The following ESAM variants were observed in gnomAD, a reference collection of about 807,000 sequenced individuals.
ESAM encodes endothelial cell adhesion molecule, also known as endothelial cell-selective adhesion molecule.
Under a neutral mutation model 31.8 loss-of-function variants are expected in ESAM, and 23 were observed. That is an observed-to-expected ratio of 0.72 (90% CI 0.52 to 1.03). The LOEUF (loss-of-function observed/expected upper bound fraction) is 1.03. Ranked by LOEUF, ESAM falls within the 50% of genes least tolerant of loss-of-function variation. ESAM has a pLI of 0.00. For missense variants in ESAM, 478 were observed against 488.9 expected (o/e 0.98, Z 0.21); for synonymous variants, 216 against 207.2 (o/e 1.04, Z -0.37).
rs1944132157 is a variant in ESAM, at chr11:124,754,538, G to A, written c.730+103C>T. On this transcript the variant is annotated intron_variant, in intron 5 of 6. Coordinates refer to ENST00000278927, the MANE Select transcript of ESAM (RefSeq NM_138961.3). The surrounding 1 kb of genome is among the most constrained non-coding windows in gnomAD (Gnocchi z 4.5). Reference sequence around the variant, plus strand: ...AACATTTGATCAGGGGAAGCTCCGTGCCCTGCTACAGAGACAGGCCTCAGC... The same window carrying A: ...AACATTTGATCAGGGGAAGCTCCGTACCCTGCTACAGAGACAGGCCTCAGC... 15 of 1,524,938 alleles carry A rather than the reference G, an allele frequency of 9.8e-6. No homozygotes were observed. The highest frequency in any genetic ancestry group is 2.6e-5 in the South Asian group (2 of 77,304). The allele number at this position is 1,524,938 out of a possible 1,614,324, so 94.5% of individuals were successfully genotyped here.
At chr11:124,758,241 C>T in intron 2 of ESAM, 108 bp downstream of exon 2, 1 of 1,325,380 alleles carries the variant, frequency 7.5e-7, no homozygotes, top group Non-Finnish European at 1.1e-6. Flanking sequence ...CCTGAAACTC[C>T]TTCCCCGGCC....
intron 3 of ESAM, 87 bp from the exon 4 acceptor site, chr11:124,756,449 G>A: frequency 6.3e-7 from 1 of 1,583,124 alleles, no homozygotes; most frequent in Non-Finnish European, 8.6e-7. Flanking sequence ...CGCTTCATTT[G>A]TTCCTCCTCC....
Position 124,753,832 on chromosome 11 carries a change from A to G in ESAM, c.987T>C (p.Gly329=), listed in dbSNP as rs781697354. ...LRPPHGPPRP[G]ALTPTPSLSS... ...AGAGACTGGGCGTGGGGGTCAATGC[A>G]CCAGGCCTGGGAGGGCCATGGGGTG... Residue 329 remains glycine, a synonymous_variant, in exon 7 of 7, where the codon GGT becomes GGC. Transcript: ENST00000278927. 1.2e-5 allele frequency: 19 copies of G among 1,613,490 alleles called. No homozygotes were observed. The highest frequency in any genetic ancestry group is 1.6e-5 in the Non-Finnish European group (19 of 1,179,692).
Position 124,756,537 on chromosome 11 carries a change from T to C in ESAM, c.451+4A>G. 6.2e-7 allele frequency: 1 copy of C among 1,613,736 alleles called. No individual in the cohort carries two copies. The highest frequency in any genetic ancestry group is 1.7e-5 in the Admixed American group (1 of 60,022). On this transcript the variant is annotated splice_donor_region_variant and intron_variant, in intron 3 of 6. Transcript: ENST00000278927. The stretch of plus-strand genomic sequence containing the variant: ...AGGGGTCCGGAAATCTGCTTCTCAC[T>C]CACCCAGTACATTGAGTTCTAAGGT...
Position 124,762,229 on chromosome 11 carries a change from G to T in ESAM, c.-75C>A. The T allele has an allele frequency of 8.3e-7, 1 of 1,206,356 alleles. No individual in the cohort carries two copies. The highest frequency in any genetic ancestry group is 1.1e-6 in the Non-Finnish European group (1 of 881,656). 74.7% of individuals were successfully genotyped at this position (1,206,356 alleles called of 1,614,324 possible). On this transcript the variant is annotated 5_prime_UTR_variant, in exon 1 of 7. Transcript: ENST00000278927. This position sits in a 1 kb window ranked among gnomAD's most constrained non-coding sequence, Gnocchi z 6.4. The stretch of plus-strand genomic sequence containing the variant: ...GGACCTGCAGGTGCCGAGGCTGCGC[G>T]ACGGCCGGAGCGTGCGCGGGAGCCG...
rs112737968 is a variant in ESAM at position 124,759,954 on chromosome 11, C to T, written c.71-1427G>A. ...CCTGCAGGTGCTGCCGGCTCTCCCC[C>T]AGCCTTTCTACGACACACACCCGGC... On this transcript the variant is annotated intron_variant, in intron 1 of 6. Transcript: ENST00000278927. This position sits in a 1 kb window ranked among gnomAD's most constrained non-coding sequence, Gnocchi z 6.8. 5.2e-3 allele frequency among the ~76,000 whole-genome samples: 791 copies of T among 152,340 alleles called. 6 individuals carry two copies. The highest frequency in any genetic ancestry group is 8.2e-3 in the Non-Finnish European group (558 of 68,024).
At position 124,754,586 on chromosome 11, in the gene ESAM, CA is replaced by C; in HGVS notation, c.730+54del. ...AGCAGACAGGCCTCCTCCCCACTTG[CA>C]ACCCCTCCCCCACCATTGACCACTC... On this transcript the variant is annotated intron_variant, in intron 5 of 6. Coordinates refer to ENST00000278927, the MANE Select transcript of ESAM (RefSeq NM_138961.3). The surrounding 1 kb of genome is among the most constrained non-coding windows in gnomAD (Gnocchi z 4.5). 2.5e-6 allele frequency: 4 copies of C among 1,574,354 alleles called. No individual in the cohort carries two copies. The highest frequency in any genetic ancestry group is 3.5e-6 in the Non-Finnish European group (4 of 1,158,178).
In ESAM at chr11:124,753,459, T is replaced by A. The variant is rs1565440866; in HGVS notation, c.*187A>T. 6 of 646,802 alleles carry A rather than the reference T, an allele frequency of 9.3e-6. No individual in the cohort carries two copies. Among genetic ancestry groups the A allele is most frequent in the Non-Finnish European group, 7.7e-6 (3 of 389,942 alleles). The allele number at this position is 646,802 out of a possible 1,614,324, so 40.1% of individuals were successfully genotyped here. On this transcript the variant is annotated 3_prime_UTR_variant, in exon 7 of 7. Transcript: ENST00000278927. Reference sequence around the variant, plus strand: ...TCCTCCCAATTCCAGATCCACTTCCTCTTCTCCTTCTGTCTCCTGGACACT... The same window carrying A: ...TCCTCCCAATTCCAGATCCACTTCCACTTCTCCTTCTGTCTCCTGGACACT...
Position 124,762,287 on chromosome 11 carries a change from G to A in ESAM, c.-133C>T, listed in dbSNP as rs1017041181. On this transcript the variant is annotated 5_prime_UTR_variant, in exon 1 of 7. Coordinates refer to ENST00000278927, the MANE Select transcript of ESAM (RefSeq NM_138961.3). This position sits in a 1 kb window ranked among gnomAD's most constrained non-coding sequence, Gnocchi z 6.4. Reference sequence around the variant, plus strand: ...GACACCCAGGGCGGCTCCAGCCCAAGTCTGCGCGCCTGTGTGCCGGTGGCG... The same window carrying A: ...GACACCCAGGGCGGCTCCAGCCCAAATCTGCGCGCCTGTGTGCCGGTGGCG... 3 of 632,476 alleles carry A rather than the reference G, an allele frequency of 4.7e-6. No homozygotes were observed. In the African/African-American group the frequency reaches 5.9e-5, roughly 12 times the overall value. 39.2% of individuals were successfully genotyped at this position (632,476 alleles called of 1,614,324 possible). A position where few individuals can be genotyped will look rare whatever the true frequency, so the allele number is the denominator to read the frequency against.
chr11:124,758,652 G>A, intron 1 of ESAM, 125 bp from the exon 2 acceptor site: 1 of 1,220,328 alleles, frequency 8.2e-7, no homozygotes, highest in South Asian at 1.6e-5. Context: ...AACCTTGCGG[G>A]GTCCGGCCCC....
chr11:124,761,587 G>C (rs1033066996), intron 1 of ESAM, among the ~76,000 whole-genome samples: 1 of 152,170 alleles, frequency 6.6e-6, no homozygotes, highest in Admixed American at 6.5e-5. Flanking sequence ...AAGCAGGAGG[G>C]GGCAAGAGAG....
chr11:124,759,733 T>TC lies in ESAM; in HGVS notation c.71-1207dup, dbSNP rs1944204790. Among the ~76,000 whole-genome samples the TC allele has an allele frequency of 6.6e-6, 1 of 151,906 alleles. No homozygotes were observed. Among genetic ancestry groups the TC allele is most frequent in the Non-Finnish European group, 1.5e-5 (1 of 67,986 alleles). ...CCTCTGTTACTTGGCCTTCGCAGCATCCCCCTTCCCATTTCCTGGAGGATC... is the reference window on the plus strand; with the variant it reads ...CCTCTGTTACTTGGCCTTCGCAGCATCCCCCCTTCCCATTTCCTGGAGGATC... On this transcript the variant is annotated intron_variant, in intron 1 of 6. Coordinates refer to ENST00000278927, the MANE Select transcript of ESAM (RefSeq NM_138961.3). The surrounding 1 kb of genome is among the most constrained non-coding windows in gnomAD (Gnocchi z 6.8).
chr11:124,754,803 T>C lies in ESAM; in HGVS notation c.608-40A>G. 1 of 1,543,020 alleles carries C rather than the reference T, an allele frequency of 6.5e-7. No individual in the cohort carries two copies. The highest frequency in any genetic ancestry group is 8.7e-7 in the Non-Finnish European group (1 of 1,149,584). On this transcript the variant is annotated intron_variant, in intron 4 of 6. Coordinates refer to ENST00000278927, the MANE Select transcript of ESAM (RefSeq NM_138961.3). This position sits in a 1 kb window ranked among gnomAD's most constrained non-coding sequence, Gnocchi z 4.5. ...TAGCCATCAGTCCAGGGACCCTCTT[T>C]CCCATTAAAAAAAAAAAAAAATCTT...
chr11:124,757,525 G>C (rs1944170520), intron 2 of ESAM: 1 of 152,230 alleles, frequency 6.6e-6, no homozygotes, highest in Non-Finnish European at 1.5e-5. Flanking sequence ...TTGGATGTAA[G>C]CCCGGTGTCA....
chr11:124,762,283 C>T lies in ESAM; in HGVS notation c.-129G>A, dbSNP rs1944240989. On this transcript the variant is annotated 5_prime_UTR_variant, in exon 1 of 7. Transcript: ENST00000278927. The surrounding 1 kb of genome is among the most constrained non-coding windows in gnomAD (Gnocchi z 6.4). The stretch of plus-strand genomic sequence containing the variant: ...CGCTGACACCCAGGGCGGCTCCAGC[C>T]CAAGTCTGCGCGCCTGTGTGCCGGT... The T allele has an allele frequency of 7.6e-6, 5 of 657,456 alleles. No individual in the cohort carries two copies. The South Asian group carries it at 1.2e-4, about 15-fold the overall frequency. The allele number at this position is 657,456 out of a possible 1,614,324, so 40.7% of individuals were successfully genotyped here. A position where few individuals can be genotyped will look rare whatever the true frequency, so the allele number is the denominator to read the frequency against.
chr11:124,762,089 G>T lies in ESAM; in HGVS notation c.66C>A (p.Ala22=). 6.2e-7 allele frequency: 1 copy of T among 1,611,124 alleles called. No homozygotes were observed. The highest frequency in any genetic ancestry group is 8.5e-7 in the Non-Finnish European group (1 of 1,178,618). ...LLRFLFLGLS[A]LAPPSRAQLQ... ...CCAGGTCCGGGTTTCACTCACCGAGGGCACTCAGCCCCAGGAACAAAAACC... is the reference window on the plus strand; with the variant it reads ...CCAGGTCCGGGTTTCACTCACCGAGTGCACTCAGCCCCAGGAACAAAAACC... The change falls in exon 1 of 7, where the codon GCC becomes GCA. Residue 22 remains alanine (A), a synonymous_variant. Coordinates refer to ENST00000278927, the MANE Select transcript of ESAM (RefSeq NM_138961.3). The surrounding 1 kb of genome is among the most constrained non-coding windows in gnomAD (Gnocchi z 6.4).
At position 124,762,232 on chromosome 11, in the gene ESAM, G is replaced by T. The variant is rs1944239964; in HGVS notation, c.-78C>A. ...CCTGCAGGTGCCGAGGCTGCGCGACGGCCGGAGCGTGCGCGGGAGCCGAGC... is the reference window on the plus strand; with the variant it reads ...CCTGCAGGTGCCGAGGCTGCGCGACTGCCGGAGCGTGCGCGGGAGCCGAGC... On this transcript the variant is annotated 5_prime_UTR_variant, in exon 1 of 7. Transcript: ENST00000278927. The surrounding 1 kb of genome is among the most constrained non-coding windows in gnomAD (Gnocchi z 6.4). The T allele has an allele frequency of 8.4e-7, 1 of 1,186,724 alleles. No homozygotes were observed. The highest frequency in any genetic ancestry group is 1.2e-6 in the Non-Finnish European group (1 of 867,178). The allele number at this position is 1,186,724 out of a possible 1,614,324, so 73.5% of individuals were successfully genotyped here.
At chr11:124,757,679 CAG>C (rs1944172412) in intron 2 of ESAM, 1 of 147,992 alleles carries the variant, frequency 6.8e-6, no homozygotes, top group South Asian at 2.1e-4. Flanking sequence ...AATGTGAAAA[CAG>C]AAATATGCTA....
intron 2 of ESAM, 29 bp downstream of exon 2, chr11:124,758,320 C>T: frequency 3.7e-6 from 6 of 1,613,710 alleles, no homozygotes; most frequent in Non-Finnish European, 5.1e-6. Context: ...GCGCAACTTG[C>T]CGCTGGCTGA....
Sources: gnomAD v4.1 joint callset for allele counts (sites outside exome capture counted in the v4.1 genomes callset) on GRCh38, gnomAD v4.1.1 for gene constraint, Gnocchi (gnomAD v3.1) non-coding constraint, MANE v1.5 for transcripts, NCBI Gene and HGNC (gene_info 2026-07-23, HGNC 2026-07-21) for gene names.